The following ADAM9 variants were observed in gnomAD, a reference collection of about 807,000 sequenced individuals.
ADAM9 encodes the protein disintegrin and metalloproteinase domain-containing protein 9.
A neutral mutation model predicts 108.1 loss-of-function variants in ADAM9; 54 were observed. The observed-to-expected ratio is 0.50, with a 90% confidence interval of 0.40 to 0.63. The LOEUF is 0.63. Ranked by LOEUF, ADAM9 falls within the 20% of genes least tolerant of loss-of-function variation. The pLI is 0.00. For synonymous variants in ADAM9, 316 were observed against 336.0 expected (o/e 0.94, Z 0.65); for missense variants, 830 against 997.7 (o/e 0.83, Z 2.26).
intron 12 of ADAM9, among the ~76,000 whole-genome samples, chr8:39,048,984 G>A (rs116318140): frequency 3.9e-4 from 52 of 135,040 alleles, no homozygotes; most frequent in African/African-American, 1.3e-3. Flanking sequence ...TGAGTCTCTT[G>A]TAGATAGCAT....
At chr8:39,017,179 C>G in intron 5 of ADAM9, 40 bp from the exon 6 acceptor site, 1 of 1,608,756 alleles carries the variant, frequency 6.2e-7, no homozygotes, top group Non-Finnish European at 8.5e-7. Context: ...TGTGTATTTT[C>G]TTTTTCTTAA....
chr8:39,066,878 A>G (rs41396550), intron 14 of ADAM9, among the ~76,000 whole-genome samples: 120,924 of 152,162 alleles, frequency 0.79, 48,243 homozygotes, highest in East Asian at 0.95. Context: ...GGTTTGTATG[A>G]TTTTGGGTCT....
At chr8:39,083,680 A>G (rs990664746) in intron 18 of ADAM9, among the ~76,000 whole-genome samples, 4 of 152,092 alleles carry the variant, frequency 2.6e-5, no homozygotes, top group Middle Eastern at 3.2e-3. Flanking sequence ...CTAAATTATC[A>G]TTTCCTTCTA....
intron 7 of ADAM9, 37 bp from the exon 8 acceptor site, chr8:39,021,606 C>A: frequency 6.4e-7 from 1 of 1,573,440 alleles, no homozygotes; most frequent in Non-Finnish European, 8.7e-7. Context: ...TCTTAAAGTA[C>A]TTTGGTGATA....
At chr8:39,029,295 A>G (rs919052561) in intron 11 of ADAM9, among the ~76,000 whole-genome samples, 1 of 151,996 alleles carries the variant, frequency 6.6e-6, no homozygotes, top group Admixed American at 6.6e-5. Context: ...TAACATGAGG[A>G]TACTGATAAC....
intron 11 of ADAM9, among the ~76,000 whole-genome samples, chr8:39,033,601 T>G (rs1255931040): frequency 6.6e-6 from 1 of 152,030 alleles, no homozygotes; most frequent in Non-Finnish European, 1.5e-5. Flanking sequence ...TATATTTATA[T>G]TTACTGTAAT....
intron 20 of ADAM9, 86 bp from the exon 21 acceptor site, chr8:39,101,777 G>C: frequency 9.3e-7 from 1 of 1,079,490 alleles, no homozygotes; most frequent in South Asian, 1.4e-5. Context: ...TCTGTTTATT[G>C]ATTTTAAATA....
At chr8:39,046,757 C>CATTATTTAATTAATTTA (rs2129437438) in intron 12 of ADAM9, among the ~76,000 whole-genome samples, 1 of 151,798 alleles carries the variant, frequency 6.6e-6, no homozygotes, top group South Asian at 2.1e-4. Context: ...TGGTATATCT[C>CATTATTTAATTAATTTA]ATTATTTAAT....
chr8:39,067,339 G>C (rs1343413706), intron 14 of ADAM9, among the ~76,000 whole-genome samples: 1 of 152,110 alleles, frequency 6.6e-6, no homozygotes, highest in Non-Finnish European at 1.5e-5. Flanking sequence ...AAATTACCTT[G>C]GGCAGTATGG....
At chr8:39,088,168 G>T (rs1839233960) in intron 18 of ADAM9, among the ~76,000 whole-genome samples, 1 of 152,096 alleles carries the variant, frequency 6.6e-6, no homozygotes, top group South Asian at 2.1e-4. Flanking sequence ...AAGATAGCCT[G>T]CATATAAGTG....
chr8:39,021,752 CT>C (rs1564253268), intron 8 of ADAM9, 38 bp downstream of exon 8: 1 of 1,562,716 alleles, frequency 6.4e-7, no homozygotes. Context: ...TGATTCTGTC[CT>C]ATTCTTTCAG....
rs1444500298 is a variant in ADAM9, at chr8:39,023,334, T to G, written c.914+9T>G. On this transcript the variant is annotated intron_variant, in intron 9 of 21. Transcript: ENST00000487273. ...AGTGCACAGCTAGTTCTGTAAGTAT[T>G]TTTTTTTTAAGTACTATTAATGAAA... is the stretch of plus-strand genomic sequence containing the variant. The G allele has an allele frequency of 6.3e-7, 1 of 1,599,374 alleles. No individual in the cohort carries two copies. The highest frequency in any genetic ancestry group is 1.4e-5 in the African/African-American group (1 of 73,576).
intron 14 of ADAM9, among the ~76,000 whole-genome samples, chr8:39,059,873 T>C (rs1838243040): frequency 2.6e-5 from 4 of 152,174 alleles, no homozygotes; most frequent in Admixed American, 2.0e-4. Flanking sequence ...CCCCGTGAGG[T>C]CATAGTTGCT....
At chr8:39,080,112 G>T (rs879425503) in intron 16 of ADAM9, among the ~76,000 whole-genome samples, 4 of 151,888 alleles carry the variant, frequency 2.6e-5, no homozygotes, top group Non-Finnish European at 5.9e-5. Context: ...TTATTTGTGT[G>T]TGGGGTGTGT....
At chr8:39,059,325 T>G (rs1229629517) in intron 14 of ADAM9, among the ~76,000 whole-genome samples, 1 of 152,230 alleles carries the variant, frequency 6.6e-6, no homozygotes, top group East Asian at 1.9e-4. Flanking sequence ...GTAATCAACC[T>G]GCCACCAGGC....
intron 12 of ADAM9, among the ~76,000 whole-genome samples, chr8:39,046,687 A>G (rs557632596): frequency 5.3e-5 from 8 of 152,090 alleles, no homozygotes; most frequent in Non-Finnish European, 1.0e-4. Context: ...AATTTTATCA[A>G]GTGCTTTTTC....
At chr8:39,065,537 G>C (rs982432393) in intron 14 of ADAM9, among the ~76,000 whole-genome samples, 3 of 151,622 alleles carry the variant, frequency 2.0e-5, no homozygotes, top group Non-Finnish European at 4.4e-5. Context: ...GCAGGCGCCT[G>C]TATTCCCAGC....
At chr8:39,068,744 A>C (rs1838579318) in intron 14 of ADAM9, among the ~76,000 whole-genome samples, 1 of 147,098 alleles carries the variant, frequency 6.8e-6, no homozygotes. Flanking sequence ...TGGGAGGGAA[A>C]CAGGAGGTGA....
intron 15 of ADAM9, among the ~76,000 whole-genome samples, chr8:39,076,953 C>G (rs1838866882): frequency 6.6e-6 from 1 of 152,146 alleles, no homozygotes; most frequent in Non-Finnish European, 1.5e-5. Context: ...CTGTTGAGCT[C>G]TAGACAGACA....
Sources: allele counts gnomAD v4.1 joint callset (sites outside exome capture counted in the v4.1 genomes callset), GRCh38; gene constraint gnomAD v4.1.1; transcripts MANE v1.5; gene names NCBI Gene and HGNC (gene_info 2026-07-23, HGNC 2026-07-21).